SCARB1: variants seen among roughly 807,000 people sequenced by gnomAD.
SCARB1 encodes scavenger receptor class B member 1.
In SCARB1, 30 loss-of-function variants were observed where a neutral mutation model predicts 57.2. The ratio of observed to expected loss-of-function variants is 0.52; its 90% CI spans 0.39 to 0.71. The LOEUF is 0.71. Among genes scored for constraint, SCARB1 ranks in the 30% least tolerant of loss-of-function variants. The pLI is 0.00. For synonymous variants in SCARB1, 249 were observed against 268.3 expected (o/e 0.93, Z 0.70); for missense variants, 543 against 671.2 (o/e 0.81, Z 2.11).
At chr12:124,818,864 T>C (rs940803538) in intron 1 of SCARB1, among the ~76,000 whole-genome samples, 1 of 152,160 alleles carries the variant, frequency 6.6e-6, no homozygotes, top group Admixed American at 6.5e-5. Context: ...TTTCACCACG[T>C]TGGCCAGGCT....
Position 124,810,749 on chromosome 12 carries a change from G to A in SCARB1, c.727-460C>T, listed in dbSNP as rs946599370. Among the ~76,000 whole-genome samples the A allele has an allele frequency of 1.3e-5, 2 of 152,204 alleles. No homozygotes were observed. Among genetic ancestry groups the A allele is most frequent in the Non-Finnish European group, 2.9e-5 (2 of 68,040 alleles). On this transcript the variant is annotated intron_variant, in intron 5 of 12. Coordinates refer to ENST00000261693, the MANE Select transcript of SCARB1 (RefSeq NM_005505.5). This position sits in a 1 kb window ranked among gnomAD's most constrained non-coding sequence, Gnocchi z 4.0. ...GTCAGGTTAACTGACTCTGGGGAGCGAGACCCAGACTCGACAAAACCAACT... is the reference window on the plus strand; with the variant it reads ...GTCAGGTTAACTGACTCTGGGGAGCAAGACCCAGACTCGACAAAACCAACT...
At chr12:124,780,862 C>T (rs1873317765) in intron 12 of SCARB1, among the ~76,000 whole-genome samples, 1 of 152,140 alleles carries the variant, frequency 6.6e-6, no homozygotes, top group Admixed American at 6.6e-5. Flanking sequence ...CTGACCAGCC[C>T]CTGACCAGCC....
chr12:124,858,702 AC>A (rs1952744413), intron 1 of SCARB1, among the ~76,000 whole-genome samples: 1 of 151,470 alleles, frequency 6.6e-6, no homozygotes. Context: ...AAACAGTGAA[AC>A]CCCGTCTCCA....
chr12:124,856,782 G>A (rs1952650753), intron 1 of SCARB1, among the ~76,000 whole-genome samples: 1 of 152,212 alleles, frequency 6.6e-6, no homozygotes, highest in Non-Finnish European at 1.5e-5. Context: ...GCGCAGAGCG[G>A]GCGGCCCCTG....
Position 124,814,193 on chromosome 12 carries a change from C to G in SCARB1, c.630+9G>C, listed in dbSNP as rs1480352524. The G allele has an allele frequency of 6.2e-7, 1 of 1,613,726 alleles. No individual in the cohort carries two copies. The highest frequency in any genetic ancestry group is 1.7e-5 in the Admixed American group (1 of 60,026). On this transcript the variant is annotated intron_variant, in intron 4 of 12. Transcript: ENST00000261693. The surrounding 1 kb of genome is among the most constrained non-coding windows in gnomAD (Gnocchi z 4.7). ...CTGAATCTTTGGCTTCTCACCAGGC[C>G]ACACGTACCTCAGCAAATAATCCGA... is the stretch of plus-strand genomic sequence containing the variant.
chr12:124,825,458 G>A (rs1041426879), intron 1 of SCARB1, among the ~76,000 whole-genome samples: 4 of 152,102 alleles, frequency 2.6e-5, no homozygotes, highest in African/African-American at 7.2e-5. Context: ...ATCACTTGAG[G>A]TCAGGAGTTC....
intron 1 of SCARB1, among the ~76,000 whole-genome samples, chr12:124,833,246 G>A (rs1951490049): frequency 1.3e-5 from 2 of 150,630 alleles, no homozygotes; most frequent in Middle Eastern, 6.8e-3. Flanking sequence ...CTGGAATGCA[G>A]TGGTGTGATC....
At chr12:124,805,270 G>A (rs1005928526) in intron 7 of SCARB1, among the ~76,000 whole-genome samples, 2 of 152,150 alleles carry the variant, frequency 1.3e-5, no homozygotes, top group African/African-American at 4.8e-5. Flanking sequence ...GGTGAGGGAT[G>A]ATCCACTCAG....
At chr12:124,827,239 T>C (rs1359096796) in intron 1 of SCARB1, among the ~76,000 whole-genome samples, 1 of 152,138 alleles carries the variant, frequency 6.6e-6, no homozygotes. Flanking sequence ...CTAGCCCTTT[T>C]AAGGGCTTAC....
At chr12:124,806,939 C>G (rs1333840895) in intron 7 of SCARB1, among the ~76,000 whole-genome samples, 1 of 151,820 alleles carries the variant, frequency 6.6e-6, no homozygotes, top group African/African-American at 2.4e-5. Context: ...TGGCTCACAC[C>G]TATAATCCCA....
chr12:124,836,086 C>T (rs555057555), intron 1 of SCARB1, among the ~76,000 whole-genome samples: 27 of 152,320 alleles, frequency 1.8e-4, no homozygotes, highest in African/African-American at 5.3e-4. Flanking sequence ...GCATCCAAAG[C>T]GGGCGATCAG....
intron 11 of SCARB1, chr12:124,783,033 C>T: frequency 1.9e-6 from 1 of 537,778 alleles, no homozygotes; most frequent in South Asian, 2.1e-5. Flanking sequence ...GTGGACAAGC[C>T]AAGCTGAAAA....
intron 1 of SCARB1, among the ~76,000 whole-genome samples, chr12:124,837,236 T>C (rs1289529406): frequency 1.3e-5 from 2 of 152,136 alleles, no homozygotes; most frequent in Admixed American, 6.6e-5. Flanking sequence ...ACAGTGAATA[T>C]GCCTTCTTTC....
chr12:124,828,849 T>A (rs1373132186), intron 1 of SCARB1, among the ~76,000 whole-genome samples: 1 of 152,148 alleles, frequency 6.6e-6, no homozygotes, highest in Non-Finnish European at 1.5e-5. Context: ...GAAACACACC[T>A]CTGACCAAAT....
In SCARB1 at chr12:124,781,367, G is replaced by A. The variant is rs1873436381; in HGVS notation, c.*1316C>T. ...CACCCAAGTAGGCCTAGCCTCAGAA[G>A]CTCTTGAGGGCAGCACATTTTTCAG... On this transcript the variant is annotated intron_variant, in intron 12 of 12. Coordinates refer to ENST00000261693, the MANE Select transcript of SCARB1 (RefSeq NM_005505.5). Among the ~76,000 whole-genome samples the A allele has an allele frequency of 2.0e-5, 3 of 152,194 alleles. No individual in the cohort carries two copies. The South Asian group carries it at 6.2e-4, about 32-fold the overall frequency.
intron 1 of SCARB1, among the ~76,000 whole-genome samples, chr12:124,860,457 G>A (rs1300949045): frequency 1.3e-5 from 2 of 152,262 alleles, no homozygotes; most frequent in African/African-American, 4.8e-5. Context: ...ATGTCCACCA[G>A]CTGGGCCTTC....
chr12:124,834,057 T>C (rs1170136797), intron 1 of SCARB1, among the ~76,000 whole-genome samples: 1 of 151,544 alleles, frequency 6.6e-6, no homozygotes, highest in African/African-American at 2.4e-5. Flanking sequence ...GACACGAGGG[T>C]GTCCAGAAAC....
chr12:124,843,726 C>T (rs1952011681), intron 1 of SCARB1, among the ~76,000 whole-genome samples: 1 of 152,142 alleles, frequency 6.6e-6, no homozygotes, highest in Non-Finnish European at 1.5e-5. Flanking sequence ...AAGCTGGAGG[C>T]CCTCCAAGCC....
chr12:124,786,442 T>C lies in SCARB1; in HGVS notation c.1316A>G (p.Lys439Arg), dbSNP rs754482328. Residue 439 changes from lysine to arginine, a missense_variant, in exon 11 of 13, where the codon AAG becomes AGG. Transcript: ENST00000261693. Reference protein sequence around the residue: ...TFYTQLVLMPKVMHYAQYVLL... With the variant: ...TFYTQLVLMPRVMHYAQYVLL... ...GACGTACTGGGCATAGTGCATCACC[T>C]TGGGCATCAACACCAGCTGAGTGTA... 1.9e-6 allele frequency: 3 copies of C among 1,614,148 alleles called. No individual in the cohort carries two copies. The highest frequency in any genetic ancestry group is 1.7e-6 in the Non-Finnish European group (2 of 1,180,016).
Sources: gnomAD v4.1 joint callset for allele counts (sites outside exome capture counted in the v4.1 genomes callset) on GRCh38, gnomAD v4.1.1 for gene constraint, Gnocchi (gnomAD v3.1) non-coding constraint, MANE v1.5 for transcripts, NCBI Gene and HGNC (gene_info 2026-07-23, HGNC 2026-07-21) for gene names.